REEP3: variants seen among roughly 807,000 people sequenced by gnomAD.
REEP3 encodes the protein receptor expression-enhancing protein 3.
A neutral mutation model predicts 41.3 loss-of-function variants in REEP3; 20 were observed. The observed-to-expected ratio is 0.48, with a 90% CI of 0.34 to 0.70. The LOEUF (loss-of-function observed/expected upper bound fraction) is 0.70, where lower values mean the gene tolerates loss of function less well. REEP3 is among the 30% of genes least tolerant of loss of function. The probability of loss-of-function intolerance (pLI) is 0.01; values close to 1 mark genes in which losing one functional copy is unlikely to be tolerated. For synonymous variants in REEP3, 104 were observed against 101.8 expected, an observed-to-expected ratio of 1.02 and a Z score of -0.13; for missense variants, 271 against 308.8, an observed-to-expected ratio of 0.88 and a Z score of 0.92.
intron 2 of REEP3, among the ~76,000 whole-genome samples, chr10:63,585,982 GT>G (rs1311108624): frequency 6.6e-6 from 1 of 152,078 alleles, no homozygotes; most frequent in Non-Finnish European, 1.5e-5. Context: ...TTTCATAAAA[GT>G]TTTCTCTAAG....
intron 1 of REEP3, among the ~76,000 whole-genome samples, chr10:63,559,434 T>A (rs1464904852): frequency 6.6e-6 from 1 of 152,212 alleles, no homozygotes; most frequent in Non-Finnish European, 1.5e-5. Flanking sequence ...TAAATAGTCC[T>A]GAAATGGATA....
intron 1 of REEP3, among the ~76,000 whole-genome samples, chr10:63,530,210 A>G (rs1358693581): frequency 6.6e-6 from 1 of 152,208 alleles, no homozygotes; most frequent in East Asian, 1.9e-4. Context: ...TGGAAGTTTG[A>G]AGGCAGTCAC....
Position 63,593,562 on chromosome 10 carries a change from C to T in REEP3, c.106-1216C>T, listed in dbSNP as rs547158633. On this transcript the variant is annotated intron_variant, in intron 2 of 7. Transcript: ENST00000373758. The stretch of plus-strand genomic sequence containing the variant: ...TGTTTATCAACGTAATTCCTCGCCC[C>T]CTGGTTGGCATGGCATTGTGTATTT... Among the ~76,000 whole-genome samples the T allele has an allele frequency of 4.8e-4, 73 of 152,244 alleles. No homozygotes were observed. The Middle Eastern group carries it at 0.01, about 21-fold the overall frequency.
chr10:63,578,057 C>T (rs1472018542), intron 2 of REEP3, among the ~76,000 whole-genome samples: 1 of 152,064 alleles, frequency 6.6e-6, no homozygotes, highest in Admixed American at 6.6e-5. Flanking sequence ...GGGATACTTG[C>T]AGTTGAGTTA....
intron 1 of REEP3, among the ~76,000 whole-genome samples, chr10:63,536,010 T>C (rs148599140): frequency 4.4e-4 from 67 of 152,358 alleles, no homozygotes; most frequent in Non-Finnish European, 8.4e-4. Flanking sequence ...ACCATGTATC[T>C]GATGCTCATT....
At chr10:63,566,153 G>T (rs1017794096) in intron 1 of REEP3, among the ~76,000 whole-genome samples, 185 bp from the exon 2 acceptor site, 7 of 151,888 alleles carry the variant, frequency 4.6e-5, no homozygotes, top group African/African-American at 1.7e-4. Context: ...CAAAGTGCTG[G>T]GATTACAGGC....
chr10:63,609,190 C>T (rs951176203), intron 5 of REEP3, among the ~76,000 whole-genome samples: 4 of 152,008 alleles, frequency 2.6e-5, no homozygotes, highest in Non-Finnish European at 4.4e-5. Context: ...CGGTGGCTCA[C>T]GTCTGTAATC....
chr10:63,552,716 G>A (rs1190864101), intron 1 of REEP3, among the ~76,000 whole-genome samples: 2 of 152,182 alleles, frequency 1.3e-5, no homozygotes, highest in Admixed American at 6.5e-5. Context: ...AGGATTGGTG[G>A]AGATTATACC....
chr10:63,581,764 C>T (rs1435886317), intron 2 of REEP3, among the ~76,000 whole-genome samples: 1 of 150,902 alleles, frequency 6.6e-6, no homozygotes, highest in African/African-American at 2.4e-5. Flanking sequence ...AAAACTCTTG[C>T]TATTAGAAGA....
At chr10:63,543,395 A>C (rs1955547547) in intron 1 of REEP3, among the ~76,000 whole-genome samples, 1 of 151,922 alleles carries the variant, frequency 6.6e-6, no homozygotes, top group African/African-American at 2.4e-5. Flanking sequence ...TCCTGGGCTC[A>C]AGCCATCCTT....
chr10:63,528,971 A>G (rs752510077), intron 1 of REEP3, among the ~76,000 whole-genome samples: 3 of 152,248 alleles, frequency 2.0e-5, no homozygotes, highest in Admixed American at 6.5e-5. Context: ...AATAGTCTCC[A>G]TGAGAGAAGT....
chr10:63,616,926 C>T (rs1202587417), intron 6 of REEP3, among the ~76,000 whole-genome samples: 1 of 151,990 alleles, frequency 6.6e-6, no homozygotes, highest in Non-Finnish European at 1.5e-5. Flanking sequence ...AATTTAAAAT[C>T]ACCTGAAAGC....
At chr10:63,616,895 TAAAAAAAG>T (rs1183205355) in intron 6 of REEP3, among the ~76,000 whole-genome samples, 1 of 152,088 alleles carries the variant, frequency 6.6e-6, no homozygotes, top group Non-Finnish European at 1.5e-5. Flanking sequence ...ATTTGGCAAG[TAAAAAAAG>T]AAAAAATGAA....
intron 1 of REEP3, among the ~76,000 whole-genome samples, chr10:63,545,237 A>G (rs1390989740): frequency 1.3e-5 from 2 of 152,234 alleles, no homozygotes; most frequent in Non-Finnish European, 1.5e-5. Context: ...AGATTAATGT[A>G]ATTAGCATAC....
chr10:63,537,255 T>A, intron 1 of REEP3, among the ~76,000 whole-genome samples: 1 of 152,186 alleles, frequency 6.6e-6, no homozygotes, highest in East Asian at 1.9e-4. Flanking sequence ...GCAAGCCAGA[T>A]ATGATTACCT....
intron 6 of REEP3, among the ~76,000 whole-genome samples, chr10:63,615,271 T>C (rs1453842729): frequency 6.6e-6 from 1 of 152,230 alleles, no homozygotes; most frequent in Non-Finnish European, 1.5e-5. Context: ...AAATCAGCCA[T>C]ACTCTTCATT....
chr10:63,602,891 A>G (rs532625475), intron 5 of REEP3, among the ~76,000 whole-genome samples: 1 of 152,350 alleles, frequency 6.6e-6, no homozygotes, highest in East Asian at 1.9e-4. Context: ...TGTAGCAATG[A>G]ACAAGATAGA....
intron 1 of REEP3, among the ~76,000 whole-genome samples, chr10:63,536,480 T>C (rs1028862181): frequency 5.3e-5 from 8 of 152,278 alleles, no homozygotes; most frequent in African/African-American, 1.9e-4. Context: ...AAAAGCTAAT[T>C]AGAAACTCAT....
intron 1 of REEP3, among the ~76,000 whole-genome samples, chr10:63,528,570 T>C (rs1194433736): frequency 1.3e-5 from 2 of 152,204 alleles, no homozygotes; most frequent in Non-Finnish European, 2.9e-5. Flanking sequence ...AGTCAAGTCA[T>C]GTGACTCGTC....
Sources: allele counts gnomAD v4.1 joint callset (sites outside exome capture counted in the v4.1 genomes callset), GRCh38; gene constraint gnomAD v4.1.1; transcripts MANE v1.5; gene names NCBI Gene and HGNC (gene_info 2026-07-23, HGNC 2026-07-21).